Variants in AGBL4 observed in about 807,000 individuals in gnomAD.
AGBL4 encodes the protein AGBL carboxypeptidase 4.
A neutral mutation model predicts 66.4 loss-of-function variants in AGBL4; 58 were observed. The observed-to-expected ratio is 0.87, with a 90% CI of 0.71 to 1.09. AGBL4 has a LOEUF of 1.09. AGBL4 is among the 50% of genes least tolerant of loss of function. AGBL4 has a pLI of 0.00. For missense variants in AGBL4, 579 were observed against 631.0 expected, an observed-to-expected ratio of 0.92 and a Z score of 0.88; for synonymous variants, 234 against 222.9, an observed-to-expected ratio of 1.05 and a Z score of -0.44.
At position 48,937,346 on chromosome 1, in the gene AGBL4, C is replaced by T. The variant is rs183367571; in HGVS notation, c.595-70116G>A. 3.1e-3 allele frequency among the ~76,000 whole-genome samples: 475 copies of T among 152,300 alleles called. 3 individuals are homozygous for T. The highest frequency in any genetic ancestry group is 0.01 in the African/African-American group (424 of 41,576). On this transcript the variant is annotated intron_variant, in intron 5 of 13. Transcript: ENST00000371839. ...ATTATTATAATAACCAACACCACTC[C>T]ACTGGATGGCTTTGTAGCCATCATA...
At chr1:49,941,940 T>G (rs1403789976) in intron 1 of AGBL4, among the ~76,000 whole-genome samples, 6 of 152,150 alleles carry the variant, frequency 3.9e-5, no homozygotes, top group African/African-American at 1.4e-4. Context: ...TAAGTAAAAT[T>G]ATATGATCTT....
chr1:49,093,175 T>C (rs1645031389), intron 4 of AGBL4, among the ~76,000 whole-genome samples: 1 of 152,062 alleles, frequency 6.6e-6, no homozygotes, highest in African/African-American at 2.4e-5. Flanking sequence ...CAAAGAGAAA[T>C]TCAAATGGGA....
chr1:49,744,402 G>A (rs1008286056), intron 2 of AGBL4, among the ~76,000 whole-genome samples: 8 of 152,168 alleles, frequency 5.3e-5, no homozygotes, highest in Non-Finnish European at 1.0e-4. Flanking sequence ...AGGAGAAGCC[G>A]CTATGCTTCC....
chr1:49,879,254 C>A (rs1262303739), intron 1 of AGBL4, among the ~76,000 whole-genome samples: 2 of 149,328 alleles, frequency 1.3e-5, no homozygotes, highest in Admixed American at 6.7e-5. Flanking sequence ...TCTTCCTAGT[C>A]TCGATGGTCT....
chr1:48,764,553 G>A (rs1261577681), intron 6 of AGBL4, among the ~76,000 whole-genome samples: 1 of 152,164 alleles, frequency 6.6e-6, no homozygotes, highest in Non-Finnish European at 1.5e-5. Context: ...AGGGAGAGGT[G>A]AGAAGGCAAG....
intron 6 of AGBL4, among the ~76,000 whole-genome samples, chr1:48,782,018 A>G (rs1304547292): frequency 6.6e-6 from 1 of 152,244 alleles, no homozygotes; most frequent in African/African-American, 2.4e-5. Flanking sequence ...CACATGATAG[A>G]GTTGAGAACA....
intron 8 of AGBL4, among the ~76,000 whole-genome samples, chr1:48,651,544 C>T (rs1302789017): frequency 2.0e-5 from 3 of 152,250 alleles, no homozygotes; most frequent in African/African-American, 7.2e-5. Context: ...ACAGTACACT[C>T]TGTCCATGGA....
At chr1:49,399,886 C>A (rs1406526626) in intron 3 of AGBL4, among the ~76,000 whole-genome samples, 1 of 151,992 alleles carries the variant, frequency 6.6e-6, no homozygotes, top group Non-Finnish European at 1.5e-5. Flanking sequence ...CTTTGGTTGT[C>A]TGTGCCTGTG....
At chr1:48,790,286 T>G (rs1479703284) in intron 6 of AGBL4, among the ~76,000 whole-genome samples, 1 of 152,174 alleles carries the variant, frequency 6.6e-6, no homozygotes, top group Non-Finnish European at 1.5e-5. Flanking sequence ...CAGAGAGTGC[T>G]TGTTGCCACT....
chr1:49,064,506 C>G (rs1385024957), intron 4 of AGBL4, among the ~76,000 whole-genome samples: 2 of 152,186 alleles, frequency 1.3e-5, no homozygotes, highest in African/African-American at 4.8e-5. Flanking sequence ...GATACTAAAG[C>G]TCTTTGCTTC....
At chr1:48,976,779 C>T (rs1387034308) in intron 5 of AGBL4, among the ~76,000 whole-genome samples, 1 of 152,064 alleles carries the variant, frequency 6.6e-6, no homozygotes, top group Non-Finnish European at 1.5e-5. Flanking sequence ...GGGCTCATTC[C>T]TCCTCAACCT....
At chr1:49,279,656 A>G (rs573195746) in intron 3 of AGBL4, among the ~76,000 whole-genome samples, 1 of 152,294 alleles carries the variant, frequency 6.6e-6, no homozygotes, top group Non-Finnish European at 1.5e-5. Flanking sequence ...TTCTAAAATG[A>G]AGATAAATGA....
intron 1 of AGBL4, among the ~76,000 whole-genome samples, chr1:49,936,675 C>G (rs1654074842): frequency 6.6e-6 from 1 of 152,028 alleles, no homozygotes; most frequent in Non-Finnish European, 1.5e-5. Flanking sequence ...AGAGTGGGAG[C>G]CAATATTCAA....
chr1:49,451,876 G>GA (rs1323420809), intron 3 of AGBL4, among the ~76,000 whole-genome samples: 30 of 151,504 alleles, frequency 2.0e-4, no homozygotes, highest in South Asian at 6.2e-4. Context: ...TTTTTAGAAA[G>GA]AAAAAAAATA....
At chr1:49,590,299 T>A (rs1378348450) in intron 3 of AGBL4, among the ~76,000 whole-genome samples, 12 of 150,920 alleles carry the variant, frequency 8.0e-5, no homozygotes, top group Admixed American at 7.9e-4. Context: ...ATATTTAGCA[T>A]CAATAAAACC....
At chr1:49,195,760 T>G (rs1050159006) in intron 4 of AGBL4, among the ~76,000 whole-genome samples, 1 of 152,190 alleles carries the variant, frequency 6.6e-6, no homozygotes, top group African/African-American at 2.4e-5. Flanking sequence ...AAACTTTTTT[T>G]CTTCTTTGGG....
intron 4 of AGBL4, among the ~76,000 whole-genome samples, chr1:49,167,347 A>C (rs1378280402): frequency 6.6e-6 from 1 of 152,090 alleles, no homozygotes; most frequent in African/African-American, 2.4e-5. Flanking sequence ...CCATATGCCT[A>C]GTTATCATTA....
At chr1:49,598,502 T>A (rs186222981) in intron 3 of AGBL4, among the ~76,000 whole-genome samples, 1 of 152,318 alleles carries the variant, frequency 6.6e-6, no homozygotes, top group East Asian at 1.9e-4. Context: ...TTTGCCTGGG[T>A]ATCAGCAGCG....
intron 3 of AGBL4, among the ~76,000 whole-genome samples, chr1:49,654,687 T>A (rs1646083416): frequency 6.6e-6 from 1 of 152,228 alleles, no homozygotes; most frequent in Admixed American, 6.5e-5. Context: ...ATGGCCTTCT[T>A]TGTCTCTCTT....
Sources: gnomAD v4.1 joint callset for allele counts (sites outside exome capture counted in the v4.1 genomes callset) on GRCh38, gnomAD v4.1.1 for gene constraint, MANE v1.5 for transcripts, NCBI Gene and HGNC (gene_info 2026-07-23, HGNC 2026-07-21) for gene names.